The following SPAG16 variants were observed in gnomAD, a reference collection of about 807,000 sequenced individuals.
SPAG16 encodes sperm-associated antigen 16 protein.
In SPAG16, 86 loss-of-function variants were observed where a neutral mutation model predicts 80.4. The observed-to-expected ratio is 1.07, with a 90% CI of 0.90 to 1.28. SPAG16 has a LOEUF of 1.28. Ranked by LOEUF, SPAG16 falls within the 50% of genes most tolerant of loss-of-function variation. The probability of loss-of-function intolerance (pLI) is 0.00; values close to 1 mark genes in which losing one functional copy is unlikely to be tolerated. For synonymous variants in SPAG16, 294 were observed against 265.9 expected (o/e 1.11, Z -1.03); for missense variants, 870 against 765.3 (o/e 1.14, Z -1.61).
intron 10 of SPAG16, among the ~76,000 whole-genome samples, chr2:213,649,445 T>C (rs953335460): frequency 6.6e-6 from 1 of 152,232 alleles, no homozygotes; most frequent in African/African-American, 2.4e-5. Context: ...TCTCAACTTA[T>C]CATGGCAGAA....
chr2:213,391,318 T>C (rs985376636), intron 9 of SPAG16, among the ~76,000 whole-genome samples: 5 of 152,162 alleles, frequency 3.3e-5, no homozygotes, highest in African/African-American at 1.2e-4. Flanking sequence ...GGGAAAAAAA[T>C]ATTTTAGCTT....
intron 15 of SPAG16, among the ~76,000 whole-genome samples, chr2:214,381,902 C>T (rs563384929): frequency 3.3e-5 from 5 of 152,334 alleles, no homozygotes; most frequent in Admixed American, 6.5e-5. Context: ...GTTGCTTTAA[C>T]CCTCAGCTTT....
At position 214,135,877 on chromosome 2, in the gene SPAG16, C is replaced by A. The variant is rs983893884; in HGVS notation, c.1594-13263C>A. On this transcript the variant is annotated intron_variant, in intron 14 of 15. Coordinates refer to ENST00000331683, the MANE Select transcript of SPAG16 (RefSeq NM_024532.5). ...CTGGCGCCATGCTTCTATAGTCTGCCGACTGCAGGAATATCGGAGGCTGGG... is the reference window on the plus strand; with the variant it reads ...CTGGCGCCATGCTTCTATAGTCTGCAGACTGCAGGAATATCGGAGGCTGGG... Among the ~76,000 whole-genome samples the A allele has an allele frequency of 2.0e-5, 3 of 152,126 alleles. No individual in the cohort carries two copies. In the South Asian group the frequency reaches 6.2e-4, roughly 32 times the overall value.
intron 10 of SPAG16, among the ~76,000 whole-genome samples, chr2:213,554,982 G>A (rs1037567562): frequency 2.0e-5 from 3 of 151,626 alleles, no homozygotes; most frequent in African/African-American, 7.3e-5. Context: ...AAATTATTCA[G>A]GTACAAGAAG....
intron 14 of SPAG16, among the ~76,000 whole-genome samples, chr2:214,138,725 G>A (rs1165799993): frequency 3.9e-5 from 6 of 152,096 alleles, no homozygotes; most frequent in Non-Finnish European, 8.8e-5. Flanking sequence ...ACATGTATAT[G>A]CATATTACAC....
intron 10 of SPAG16, among the ~76,000 whole-genome samples, chr2:213,735,755 T>C (rs936956084): frequency 2.0e-5 from 3 of 152,234 alleles, no homozygotes; most frequent in Non-Finnish European, 4.4e-5. Context: ...AGATAGGAGA[T>C]GAATTTCATT....
At chr2:214,093,337 C>A (rs1230695120) in intron 13 of SPAG16, among the ~76,000 whole-genome samples, 1 of 151,914 alleles carries the variant, frequency 6.6e-6, no homozygotes, top group Non-Finnish European at 1.5e-5. Context: ...TCTGGATTTT[C>A]AACTTTATTG....
intron 10 of SPAG16, among the ~76,000 whole-genome samples, chr2:213,654,924 C>T (rs2063165656): frequency 6.6e-6 from 1 of 152,024 alleles, no homozygotes; most frequent in African/African-American, 2.4e-5. Flanking sequence ...TTGAAAGGAC[C>T]ACTGTAGAGT....
intron 10 of SPAG16, among the ~76,000 whole-genome samples, chr2:213,753,798 T>C (rs748675281): frequency 6.6e-6 from 1 of 152,212 alleles, no homozygotes; most frequent in Non-Finnish European, 1.5e-5. Context: ...ATGGCATGAA[T>C]GACTTAGACC....
chr2:213,469,570 G>GTTTTTTT (rs34005287), intron 9 of SPAG16, among the ~76,000 whole-genome samples: 1 of 79,266 alleles, frequency 1.3e-5, no homozygotes, highest in Non-Finnish European at 2.4e-5. Context: ...ACCTCAGCAG[G>GTTTTTTT]TTTTTTTTTT....
chr2:213,980,725 T>TATATATATATATATATATATAG (rs374274176), intron 12 of SPAG16, among the ~76,000 whole-genome samples: 24 of 103,982 alleles, frequency 2.3e-4, no homozygotes, highest in Non-Finnish European at 3.3e-4. Context: ...TATATATATA[T>TATATATATATATATATATATAG]AGAGAGAGAG....
At chr2:213,839,328 AT>A (rs1185929318) in intron 10 of SPAG16, among the ~76,000 whole-genome samples, 1 of 152,182 alleles carries the variant, frequency 6.6e-6, no homozygotes, top group East Asian at 1.9e-4. Flanking sequence ...GCATTGTAGA[AT>A]TTTAATGAAG....
chr2:213,645,029 G>C (rs1386903160), intron 10 of SPAG16, among the ~76,000 whole-genome samples: 1 of 152,180 alleles, frequency 6.6e-6, no homozygotes, highest in Non-Finnish European at 1.5e-5. Flanking sequence ...CGTCTGCCTG[G>C]TATTGTATTC....
At chr2:214,076,335 G>A (rs2051070826) in intron 13 of SPAG16, among the ~76,000 whole-genome samples, 1 of 152,064 alleles carries the variant, frequency 6.6e-6, no homozygotes, top group Non-Finnish European at 1.5e-5. Flanking sequence ...GGTATCTAGG[G>A]ATTAAGTGTT....
intron 1 of SPAG16, among the ~76,000 whole-genome samples, chr2:213,290,104 G>C (rs73987911): frequency 1.3e-5 from 2 of 152,196 alleles, no homozygotes; most frequent in Admixed American, 6.5e-5. Flanking sequence ...GGCAGTTTCA[G>C]TGTGGGTGTT....
In SPAG16 at chr2:213,940,938, C is replaced by T. The variant is rs147937566; in HGVS notation, c.1400+10793C>T. ...CTAACAACAAATTATCTCTTCATTACCTGAGTTATAATGATTCTCATTATC... is the reference window on the plus strand; with the variant it reads ...CTAACAACAAATTATCTCTTCATTATCTGAGTTATAATGATTCTCATTATC... On this transcript the variant is annotated intron_variant, in intron 12 of 15. Transcript: ENST00000331683. Among the ~76,000 whole-genome samples the T allele has an allele frequency of 1.5e-3, 228 of 152,216 alleles. 1 individual carries two copies. The highest frequency in any genetic ancestry group is 5.2e-3 in the African/African-American group (218 of 41,540).
At chr2:214,117,978 C>T (rs2054024626) in intron 14 of SPAG16, among the ~76,000 whole-genome samples, 1 of 152,114 alleles carries the variant, frequency 6.6e-6, no homozygotes, top group African/African-American at 2.4e-5. Flanking sequence ...TTCTGTTCAA[C>T]ATAGCACTAG....
chr2:213,403,702 G>T (rs1436022964), intron 9 of SPAG16, among the ~76,000 whole-genome samples: 2 of 152,114 alleles, frequency 1.3e-5, no homozygotes, highest in African/African-American at 4.8e-5. Context: ...GGAAGTTCTG[G>T]CCAGGGCAAT....
At chr2:213,794,430 G>A (rs1365095824) in intron 10 of SPAG16, among the ~76,000 whole-genome samples, 12 of 152,216 alleles carry the variant, frequency 7.9e-5, no homozygotes, top group Non-Finnish European at 1.8e-4. Flanking sequence ...TCTGTAAATA[G>A]TAAGGGCTAT....
Sources: allele counts gnomAD v4.1 joint callset (sites outside exome capture counted in the v4.1 genomes callset), GRCh38; gene constraint gnomAD v4.1.1; transcripts MANE v1.5; gene names NCBI Gene and HGNC (gene_info 2026-07-23, HGNC 2026-07-21).